COL6A2: variants seen among roughly 807,000 people sequenced by gnomAD.
COL6A2 encodes the protein collagen alpha-2(VI) chain.
COL6A2 carries 90 observed loss-of-function variants against 124.9 expected under a neutral mutation model. The ratio of observed to expected loss-of-function variants is 0.72; its 90% CI spans 0.61 to 0.86. COL6A2 has a LOEUF of 0.86. Ranked by LOEUF, COL6A2 falls within the 40% of genes least tolerant of loss-of-function variation. The pLI is 0.00. For missense variants in COL6A2, 1,607 were observed against 1,502.5 expected, an observed-to-expected ratio of 1.07 and a Z score of -1.15; for synonymous variants, 793 against 618.2, an observed-to-expected ratio of 1.28 and a Z score of -4.19.
chr21:46,117,781 T>TC, intron 11 of COL6A2, 93 bp from the exon 12 acceptor site: 4 of 1,328,644 alleles, frequency 3.0e-6, no homozygotes, highest in Non-Finnish European at 4.2e-6. Flanking sequence ...GGGAGGTGCG[T>TC]CCCGGGCTGG....
rs572536313 is a variant in COL6A2 at position 46,110,048 on chromosome 21, C to T, written c.-27-1402C>T. 3.0e-3 allele frequency among the ~76,000 whole-genome samples: 455 copies of T among 152,352 alleles called. 1 individual carries two copies. Among genetic ancestry groups the T allele is most frequent in the Middle Eastern group, 0.01 (3 of 294 alleles). ...CCCGGCTCCTGCTGGCTCCGTGGAGCATGGTACCTGGCCATGTCCTCTCGC... is the reference window on the plus strand; with the variant it reads ...CCCGGCTCCTGCTGGCTCCGTGGAGTATGGTACCTGGCCATGTCCTCTCGC... On this transcript the variant is annotated intron_variant, in intron 1 of 27. Transcript: ENST00000300527.
At chr21:46,123,907 G>T (rs78323968) in intron 21 of COL6A2, among the ~76,000 whole-genome samples, 1 of 142,652 alleles carries the variant, frequency 7.0e-6, no homozygotes, top group African/African-American at 2.6e-5. Flanking sequence ...AGATGGATGG[G>T]TGGGTGGATA....
chr21:46,113,067 G>A, intron 4 of COL6A2: 3 of 602,384 alleles, frequency 5.0e-6, no homozygotes, highest in South Asian at 2.0e-5. Flanking sequence ...TACAAGGAGA[G>A]GTCGAGGGTC....
chr21:46,120,587 CA>C lies in COL6A2; in HGVS notation c.1395+11del. 6.9e-7 allele frequency: 1 copy of C among 1,454,544 alleles called. No homozygotes were observed. The highest frequency in any genetic ancestry group is 9.1e-7 in the Non-Finnish European group (1 of 1,102,532). The allele number at this position is 1,454,544 out of a possible 1,614,324, so 90.1% of individuals were successfully genotyped here. On this transcript the variant is annotated intron_variant, in intron 16 of 27. Transcript: ENST00000300527. The stretch of plus-strand genomic sequence containing the variant: ...CAACAAAGGAGCCAAGGTAGGGGAG[CA>C]GGGTGGGCCGCACCCCAAGGTAGGG...
chr21:46,119,547 C>T (rs2009857264), intron 14 of COL6A2, among the ~76,000 whole-genome samples: 2 of 152,220 alleles, frequency 1.3e-5, no homozygotes, highest in African/African-American at 2.4e-5. Flanking sequence ...GGAGCCTCCC[C>T]AGATCATTCC....
chr21:46,125,484 C>T lies in COL6A2; in HGVS notation c.1836C>T (p.Gly612=), dbSNP rs141257132. 1.2e-4 allele frequency: 196 copies of T among 1,612,684 alleles called. No individual in the cohort carries two copies. Among genetic ancestry groups the T allele is most frequent in the Admixed American group, 4.5e-4 (27 of 60,016 alleles). ...CCCCAGACTGTGAGAAGCGCTGTGGCGCCCTGGACGTGGTCTTCGTCATCG... is the reference window on the plus strand; with the variant it reads ...CCCCAGACTGTGAGAAGCGCTGTGGTGCCCTGGACGTGGTCTTCGTCATCG... ...CGCCDCEKRC[G]ALDVVFVIDS... is the part of the protein sequence containing the mutation. The change falls in exon 25 of 28, where the codon GGC becomes GGT. Residue 612 remains glycine (G), a synonymous_variant. Coordinates refer to ENST00000300527, the MANE Select transcript of COL6A2 (RefSeq NM_001849.4).
chr21:46,129,372 C>T (rs370636207), intron 27 of COL6A2: 73 of 1,612,874 alleles, frequency 4.5e-5, no homozygotes, highest in African/African-American at 4.1e-4. Context: ...CACCGCCGAG[C>T]GGGCCAAGTT....
chr21:46,124,947 T>G, intron 23 of COL6A2, 27 bp downstream of exon 23: 1 of 1,612,512 alleles, frequency 6.2e-7, no homozygotes, highest in Non-Finnish European at 8.5e-7. Context: ...GCAGAACCAG[T>G]GTCCTTCTCC....
At chr21:46,112,770 A>C in intron 3 of COL6A2, 34 bp from the exon 4 acceptor site, 4 of 1,613,690 alleles carry the variant, frequency 2.5e-6, no homozygotes, top group Non-Finnish European at 3.4e-6. Flanking sequence ...GTCTCGAGGC[A>C]CACGGCTAAC....
In COL6A2 at chr21:46,124,894, G is replaced by A. The variant is rs750533442; in HGVS notation, c.1744G>A (p.Gly582Ser). 13 of 1,612,758 alleles carry A rather than the reference G, an allele frequency of 8.1e-6. No homozygotes were observed. In the East Asian group the frequency reaches 1.1e-4, roughly 14 times the overall value. The change falls in exon 23 of 28, where the codon GGC becomes AGC. Residue 582 changes from glycine to serine, a missense_variant. This residue lies in a region of COL6A2 where 1,223 missense variants were observed against 1,052.2 expected (regional missense o/e 1.16). Transcript: ENST00000300527. Reference protein sequence around the residue: ...RGVPGPEGEPGPPGDPGLTEC... With the variant: ...RGVPGPEGEPSPPGDPGLTEC... ...ATCCTTCCTTCCCCAGGGTGAGCCC[G>A]GCCCCCCTGGAGACCCCGGTCTCAC...
At chr21:46,121,740 C>T (rs2078569931) in intron 18 of COL6A2, 122 bp downstream of exon 18, 3 of 949,028 alleles carry the variant, frequency 3.2e-6, no homozygotes, top group Non-Finnish European at 3.3e-6. Context: ...GGGCCTGTGC[C>T]TCCTGTTCTC....
At chr21:46,124,241 GTGGA>G (rs563105375) in intron 21 of COL6A2, among the ~76,000 whole-genome samples, 174 of 151,692 alleles carry the variant, frequency 1.1e-3, no homozygotes, top group African/African-American at 4.0e-3. Flanking sequence ...GGGTGACTGG[GTGGA>G]TGGATGGATG....
At position 46,126,640 on chromosome 21, in the gene COL6A2, C is replaced by T. The variant is rs915145851; in HGVS notation, c.2461+99C>T. On this transcript the variant is annotated intron_variant, in intron 27 of 27. Coordinates refer to ENST00000300527, the MANE Select transcript of COL6A2 (RefSeq NM_001849.4). ...GGCTGGGGGAGGGGCCGTGCAGGGA[C>T]CCGGGGGGCGGCGGAGCCACTGCGG... is the stretch of plus-strand genomic sequence containing the variant. The T allele has an allele frequency of 2.0e-6, 3 of 1,472,544 alleles. No homozygotes were observed. The African/African-American group carries it at 4.2e-5, about 20-fold the overall frequency. 91.2% of individuals were successfully genotyped at this position (1,472,544 alleles called of 1,614,324 possible).
rs759865245 is a variant in COL6A2, at chr21:46,122,546, T to A, written c.1608+15T>A. The A allele has an allele frequency of 4.1e-5, 66 of 1,612,296 alleles. No homozygotes were observed. The highest frequency in any genetic ancestry group is 8.3e-5 in the Admixed American group (5 of 59,980). On this transcript the variant is annotated intron_variant, in intron 20 of 27. Coordinates refer to ENST00000300527, the MANE Select transcript of COL6A2 (RefSeq NM_001849.4). Reference sequence around the variant, plus strand: ...GCGGCCCCGAGGTATGTGTGGGTCCTGGCCACCTGTGCCCACCCAGGGTGG... The same window carrying A: ...GCGGCCCCGAGGTATGTGTGGGTCCAGGCCACCTGTGCCCACCCAGGGTGG...
intron 1 of COL6A2, among the ~76,000 whole-genome samples, chr21:46,100,690 A>G (rs1450418121): frequency 6.6e-6 from 1 of 151,204 alleles, no homozygotes; most frequent in African/African-American, 2.4e-5. Flanking sequence ...ACGTGGCTTA[A>G]TGTCCTCCAG....
chr21:46,099,561 A>G (rs1016754072), intron 1 of COL6A2, among the ~76,000 whole-genome samples: 1 of 150,066 alleles, frequency 6.7e-6, no homozygotes, highest in Non-Finnish European at 1.5e-5. Context: ...GGCCTATTTC[A>G]CGTTTATGCA....
chr21:46,124,607 G>A (rs373135950), intron 21 of COL6A2, 44 bp from the exon 22 acceptor site: 2 of 1,598,112 alleles, frequency 1.3e-6, no homozygotes, highest in Non-Finnish European at 1.7e-6. Flanking sequence ...TGCAGGGACT[G>A]TCCCTGGGGC....
Position 46,132,560 on chromosome 21 carries a change from G to T in COL6A2, c.*8G>T, listed in dbSNP as rs577146622. On this transcript the variant is annotated 3_prime_UTR_variant, in exon 28 of 28. Transcript: ENST00000300527. Reference sequence around the variant, plus strand: ...ATCCGCTGGATCTGCTAGCGCCGCCGCCCGGGCCCCGCAGTCGAGGGTCGT... The same window carrying T: ...ATCCGCTGGATCTGCTAGCGCCGCCTCCCGGGCCCCGCAGTCGAGGGTCGT... 1.3e-6 allele frequency: 2 copies of T among 1,587,994 alleles called. No homozygotes were observed. Among genetic ancestry groups the T allele is most frequent in the East Asian group, 4.5e-5 (2 of 44,024 alleles).
chr21:46,103,892 A>G (rs2078311710), intron 1 of COL6A2, among the ~76,000 whole-genome samples: 1 of 152,062 alleles, frequency 6.6e-6, no homozygotes, highest in Admixed American at 6.6e-5. Flanking sequence ...TTCTCCCTTC[A>G]TTTTTCTCTT....
Sources: allele counts gnomAD v4.1 joint callset (sites outside exome capture counted in the v4.1 genomes callset), GRCh38; gene constraint gnomAD v4.1.1; regional missense constraint gnomAD v4.1.1; transcripts MANE v1.5; gene names NCBI Gene and HGNC (gene_info 2026-07-23, HGNC 2026-07-21).